GTF2IRD1: variants seen among roughly 807,000 people sequenced by gnomAD.
The protein encoded by GTF2IRD1 is general transcription factor II-I repeat domain-containing protein 1.
Under a neutral mutation model 113.2 loss-of-function variants are expected in GTF2IRD1, and 26 were observed. The ratio of observed to expected loss-of-function variants is 0.23; its 90% confidence interval spans 0.17 to 0.32. The LOEUF is 0.32. Among genes scored for constraint, GTF2IRD1 ranks in the 10% least tolerant of loss-of-function variants. The pLI, the probability that GTF2IRD1 is intolerant of heterozygous loss-of-function variation, is 1.00. For synonymous variants in GTF2IRD1, 484 were observed against 529.1 expected (o/e 0.91, Z 1.17); for missense variants, 864 against 1,280.8 (o/e 0.67, Z 4.97).
chr7:74,526,360 G>A (rs3801470), intron 8 of GTF2IRD1, among the ~76,000 whole-genome samples: 27,786 of 152,212 alleles, frequency 0.18, 2,686 homozygotes, highest in Middle Eastern at 0.21. Context: ...GGGACCCCAC[G>A]GGTGGTGGGG....
At chr7:74,572,623 C>T in intron 22 of GTF2IRD1, 1 of 885,216 alleles carries the variant, frequency 1.1e-6, no homozygotes, top group Non-Finnish European at 1.4e-6. Context: ...TCCTTGTCGC[C>T]AATCACACAC....
chr7:74,555,632 G>T lies in GTF2IRD1; in HGVS notation c.2023+138G>T, dbSNP rs1220597293. 1 of 636,364 alleles carries T rather than the reference G, an allele frequency of 1.6e-6. No individual in the cohort carries two copies. Among genetic ancestry groups the T allele is most frequent in the Admixed American group, 2.4e-5 (1 of 41,260 alleles). The allele number at this position is 636,364 out of a possible 1,614,324, so 39.4% of individuals were successfully genotyped here. On this transcript the variant is annotated intron_variant, in intron 19 of 26. Coordinates refer to ENST00000424337, the MANE Select transcript of GTF2IRD1 (RefSeq NM_005685.4). The surrounding 1 kb of genome is among the most constrained non-coding windows in gnomAD (Gnocchi z 5.3). ...CTAAGGGACCAGGCAAGCCAGGTTG[G>T]CAGCCCAGGCCCGGCTGTACCCTGC...
At chr7:74,595,693 G>A (rs1554372043) in intron 25 of GTF2IRD1, among the ~76,000 whole-genome samples, 1 of 152,172 alleles carries the variant, frequency 6.6e-6, no homozygotes, top group East Asian at 1.9e-4. Context: ...TCCCCAAGAG[G>A]CCTCCAGAAA....
At chr7:74,574,300 C>T (rs1800877390) in intron 22 of GTF2IRD1, among the ~76,000 whole-genome samples, 1 of 151,068 alleles carries the variant, frequency 6.6e-6, no homozygotes, top group Admixed American at 6.6e-5. Flanking sequence ...CTGAGCCCGG[C>T]CTCATTATTC....
chr7:74,491,228 C>A (rs1416689586), intron 1 of GTF2IRD1, among the ~76,000 whole-genome samples: 1 of 151,718 alleles, frequency 6.6e-6, no homozygotes, highest in African/African-American at 2.4e-5. Flanking sequence ...ATCGCCTGAA[C>A]CCTGGAGGTG....
intron 22 of GTF2IRD1, among the ~76,000 whole-genome samples, chr7:74,575,325 C>T (rs2130899155): frequency 6.6e-6 from 1 of 152,268 alleles, no homozygotes; most frequent in East Asian, 1.9e-4. Flanking sequence ...CCTGAGGTCA[C>T]CTGCCAAGGT....
At chr7:74,482,069 G>A (rs1015077101) in intron 1 of GTF2IRD1, among the ~76,000 whole-genome samples, 6 of 152,122 alleles carry the variant, frequency 3.9e-5, no homozygotes, top group East Asian at 1.9e-4. Flanking sequence ...GGGGTGAGGG[G>A]GCCAGAGGAG....
chr7:74,504,526 G>A (rs1272574725), intron 1 of GTF2IRD1, among the ~76,000 whole-genome samples: 2 of 152,068 alleles, frequency 1.3e-5, no homozygotes, highest in Non-Finnish European at 2.9e-5. Flanking sequence ...TGTGAGAAGC[G>A]TGGTCTTCCT....
Position 74,592,131 on chromosome 7 carries a change from G to A in GTF2IRD1, c.2591+1114G>A, listed in dbSNP as rs587618166. Among the ~76,000 whole-genome samples, 5 of 151,802 alleles carry A rather than the reference G, an allele frequency of 3.3e-5. No homozygotes were observed. In the South Asian group the frequency reaches 6.2e-4, roughly 19 times the overall value. ...TACTTTCTTTTTGAGATGGACTCTC[G>A]TTCTGTCACACAGGCTGGAATGCAG... On this transcript the variant is annotated intron_variant, in intron 24 of 26. Coordinates refer to ENST00000424337, the MANE Select transcript of GTF2IRD1 (RefSeq NM_005685.4).
chr7:74,517,513 G>A (rs1174406290), intron 4 of GTF2IRD1, among the ~76,000 whole-genome samples: 2 of 133,916 alleles, frequency 1.5e-5, no homozygotes, highest in Non-Finnish European at 1.5e-5. Context: ...CCCACCTCCC[G>A]GGTTCAAGCG....
chr7:74,589,725 T>C, intron 22 of GTF2IRD1, 126 bp from the exon 23 acceptor site: 1 of 589,820 alleles, frequency 1.7e-6, no homozygotes, highest in South Asian at 1.9e-5. Flanking sequence ...AACAGCTATA[T>C]AGGAGTGGGT....
At chr7:74,562,008 G>A (rs1427628656) in intron 22 of GTF2IRD1, among the ~76,000 whole-genome samples, 2 of 152,166 alleles carry the variant, frequency 1.3e-5, no homozygotes, top group Non-Finnish European at 2.9e-5. Context: ...CCCAAGCCAG[G>A]TATCCACCAG....
At chr7:74,527,317 C>T (rs1409431875) in intron 8 of GTF2IRD1, among the ~76,000 whole-genome samples, 6 of 152,028 alleles carry the variant, frequency 3.9e-5, no homozygotes, top group South Asian at 4.2e-4. Context: ...AGCAAGACCC[C>T]GTCTCTTCAA....
In GTF2IRD1 at chr7:74,512,789, A is replaced by G. The variant is rs368969542; in HGVS notation, c.124-41A>G. 3.1e-6 allele frequency: 5 copies of G among 1,604,004 alleles called. No individual in the cohort carries two copies. In the African/African-American group the frequency reaches 6.7e-5, roughly 21 times the overall value. ...AGTGGATACTAGAGGTGTTCGGAGT[A>G]TGGGGAGCCCTTCCGCTCACACAGC... On this transcript the variant is annotated intron_variant, in intron 2 of 26. Coordinates refer to ENST00000424337, the MANE Select transcript of GTF2IRD1 (RefSeq NM_005685.4). This position sits in a 1 kb window ranked among gnomAD's most constrained non-coding sequence, Gnocchi z 4.4.
At chr7:74,531,199 C>T (rs1040224937) in intron 9 of GTF2IRD1, among the ~76,000 whole-genome samples, 9 of 152,082 alleles carry the variant, frequency 5.9e-5, no homozygotes, top group Non-Finnish European at 1.0e-4. Context: ...GGTGAAACTC[C>T]GTCTCTACTA....
chr7:74,463,559 A>G (rs1440364237), intron 1 of GTF2IRD1, among the ~76,000 whole-genome samples: 1 of 151,840 alleles, frequency 6.6e-6, no homozygotes, highest in East Asian at 2.0e-4. Context: ...GGGAGAACAG[A>G]ACACTAGGTT....
intron 22 of GTF2IRD1, among the ~76,000 whole-genome samples, chr7:74,560,497 ATAT>A (rs1480242983): frequency 8.1e-4 from 119 of 147,212 alleles, no homozygotes; most frequent in African/African-American, 1.9e-3. Flanking sequence ...TATAATAAAA[ATAT>A]TATATATAAT....
rs1554353604 is a variant in GTF2IRD1, at chr7:74,547,309, G to A, written c.1916+23G>A. 6.3e-6 allele frequency: 10 copies of A among 1,577,384 alleles called. No homozygotes were observed. The South Asian group carries it at 1.1e-4, about 18-fold the overall frequency. On this transcript the variant is annotated intron_variant, in intron 17 of 26. Transcript: ENST00000424337. ...GAGGTAAGGCCCAACCAGGTCCATG[G>A]GAGACAGCACCGGCCCTGCTCAGCA...
At chr7:74,573,837 C>T (rs1583925635) in intron 22 of GTF2IRD1, among the ~76,000 whole-genome samples, 1 of 152,172 alleles carries the variant, frequency 6.6e-6, no homozygotes, top group East Asian at 1.9e-4. Flanking sequence ...GCACCACCCA[C>T]AGCAGACTTC....
Sources: allele counts gnomAD v4.1 joint callset (sites outside exome capture counted in the v4.1 genomes callset), GRCh38; gene constraint gnomAD v4.1.1; non-coding constraint Gnocchi (gnomAD v3.1); transcripts MANE v1.5; gene names NCBI Gene and HGNC (gene_info 2026-07-23, HGNC 2026-07-21).